The following SLC9B1 variants were observed in gnomAD, a reference collection of about 807,000 sequenced individuals.
SLC9B1 encodes solute carrier family 9 member B1, also known as sodium/hydrogen exchanger 9B1.
In SLC9B1, 32 loss-of-function variants were observed where a neutral mutation model predicts 51.7. The observed-to-expected ratio is 0.62, with a 90% CI of 0.47 to 0.83. The LOEUF (loss-of-function observed/expected upper bound fraction) is 0.83. SLC9B1 is among the 40% of genes least tolerant of loss of function. The pLI is 0.00. For synonymous variants in SLC9B1, 145 were observed against 212.7 expected (o/e 0.68, Z 2.77); for missense variants, 406 against 613.2 (o/e 0.66, Z 3.57).
intron 3 of SLC9B1, among the ~76,000 whole-genome samples, chr4:102,974,242 G>GAAAACAA (rs1738927255): frequency 1.9e-5 from 1 of 53,460 alleles, no homozygotes; most frequent in South Asian, 8.1e-4. Context: ...GTCTAAAATT[G>GAAAACAA]AAAAAAAAAA....
chr4:103,019,135 C>G (rs1741595105), intron 1 of SLC9B1, among the ~76,000 whole-genome samples: 1 of 152,004 alleles, frequency 6.6e-6, no homozygotes, highest in Non-Finnish European at 1.5e-5. Flanking sequence ...GAGGAGTAAA[C>G]AGGATTAAGG....
intron 3 of SLC9B1, among the ~76,000 whole-genome samples, chr4:102,975,512 G>A (rs528011740): frequency 1.4e-5 from 2 of 147,906 alleles, no homozygotes; most frequent in Non-Finnish European, 3.0e-5. Flanking sequence ...GGGGAATGAG[G>A]TTGGAAAATA....
chr4:102,988,843 T>C (rs1311838635), intron 3 of SLC9B1, among the ~76,000 whole-genome samples: 2 of 152,114 alleles, frequency 1.3e-5, no homozygotes, highest in African/African-American at 2.4e-5. Flanking sequence ...CCTCAATTAG[T>C]TCCTGAGCAA....
At chr4:102,941,199 A>G (rs972986465) in intron 6 of SLC9B1, among the ~76,000 whole-genome samples, 1 of 152,190 alleles carries the variant, frequency 6.6e-6, no homozygotes, top group Non-Finnish European at 1.5e-5. Context: ...AAAGGAAATC[A>G]TCAACAAACC....
chr4:102,912,398 G>GA (rs879881980), intron 7 of SLC9B1, among the ~76,000 whole-genome samples: 2 of 150,600 alleles, frequency 1.3e-5, no homozygotes, highest in East Asian at 1.9e-4. Flanking sequence ...AAGAAAAAAG[G>GA]AAAAAAAATA....
At chr4:102,988,899 C>T (rs1442235964) in intron 3 of SLC9B1, among the ~76,000 whole-genome samples, 3 of 151,990 alleles carry the variant, frequency 2.0e-5, no homozygotes, top group African/African-American at 7.2e-5. Context: ...TAATACATTT[C>T]CCTCTCTTCC....
At chr4:102,942,401 T>A (rs1258550428) in intron 6 of SLC9B1, among the ~76,000 whole-genome samples, 1 of 152,218 alleles carries the variant, frequency 6.6e-6, no homozygotes, top group East Asian at 1.9e-4. Context: ...CAAATGTGGA[T>A]GCATCACATT....
chr4:103,007,984 C>G (rs890865709), intron 1 of SLC9B1, among the ~76,000 whole-genome samples: 1 of 152,098 alleles, frequency 6.6e-6, no homozygotes, highest in Non-Finnish European at 1.5e-5. Context: ...GAAATTATGG[C>G]CTGCTTTTTG....
In SLC9B1 at chr4:102,989,894, G is replaced by T; in HGVS notation, c.117C>A (p.Val39=). The T allele has an allele frequency of 6.3e-7, 1 of 1,597,752 alleles. No homozygotes were observed. The highest frequency in any genetic ancestry group is 8.6e-7 in the Non-Finnish European group (1 of 1,168,334). Residue 39 remains valine (V), a synonymous_variant, in exon 3 of 12, where the codon GTC becomes GTA. Transcript: ENST00000296422. ...NNTAQEETKT[V]LSDTEEIKPQ... ...GTTTTATTTCTTCTGTATCTGATAAGACAGTTTTAGTTTCTTCCTGTGCAG... is the reference window on the plus strand; with the variant it reads ...GTTTTATTTCTTCTGTATCTGATAATACAGTTTTAGTTTCTTCCTGTGCAG...
chr4:103,014,948 A>G (rs1741244857), intron 1 of SLC9B1: 1 of 152,196 alleles, frequency 6.6e-6, no homozygotes, highest in African/African-American at 2.4e-5. Context: ...AGGAGAATGA[A>G]ATGAGATAAA....
chr4:102,946,581 C>CT, intron 5 of SLC9B1, 66 bp downstream of exon 5: 1 of 1,534,198 alleles, frequency 6.5e-7, no homozygotes. Flanking sequence ...ATTTTTGCTT[C>CT]TTTTTCTTTC....
chr4:102,927,660 A>T (rs1736254621), intron 7 of SLC9B1, among the ~76,000 whole-genome samples: 1 of 152,216 alleles, frequency 6.6e-6, no homozygotes, highest in Non-Finnish European at 1.5e-5. Flanking sequence ...TGTGGAAGAC[A>T]TTGTGGCGAT....
At chr4:102,914,287 C>A (rs1467962505) in intron 7 of SLC9B1, among the ~76,000 whole-genome samples, 1 of 146,164 alleles carries the variant, frequency 6.8e-6, no homozygotes, top group Non-Finnish European at 1.5e-5. Flanking sequence ...TTAGGTTTTA[C>A]AATAGTGATG....
Position 102,946,766 on chromosome 4 carries a change from T to C in SLC9B1, c.406A>G (p.Ile136Val). The change falls in exon 5 of 12, where the codon ATT becomes GTT. Residue 136 changes from isoleucine to valine, a missense_variant. Physicochemically the swap from Ile to Val is conservative, Grantham distance 29 (BLOSUM62 3). This residue lies in a region of SLC9B1 where 250 missense variants were observed against 394.1 expected (regional missense o/e 0.63). Coordinates refer to ENST00000296422, the MANE Select transcript of SLC9B1 (RefSeq NM_139173.4). ...TCATTGATGAATGGAACATTCCTAATCGTAAAACCAGCCAGTAACATCCCT... is the reference window on the plus strand; with the variant it reads ...TCATTGATGAATGGAACATTCCTAACCGTAAAACCAGCCAGTAACATCCCT... Reference protein sequence around the residue: ...LLGMLLAGFTIRNVPFINEHV... With the variant: ...LLGMLLAGFTVRNVPFINEHV... 1 of 1,599,432 alleles carries C rather than the reference T, an allele frequency of 6.3e-7. No individual in the cohort carries two copies. The highest frequency in any genetic ancestry group is 8.5e-7 in the Non-Finnish European group (1 of 1,176,212).
chr4:102,945,077 A>T, intron 6 of SLC9B1, 116 bp downstream of exon 6: 1 of 1,178,708 alleles, frequency 8.5e-7, no homozygotes, highest in Non-Finnish European at 1.1e-6. Context: ...CAAGGATTTT[A>T]ACACTGAAAC....
At chr4:102,936,698 GA>G (rs1736740648) in intron 6 of SLC9B1, among the ~76,000 whole-genome samples, 1 of 152,140 alleles carries the variant, frequency 6.6e-6, no homozygotes, top group Non-Finnish European at 1.5e-5. Context: ...TCAGTCAGAT[GA>G]AAATAAAGAA....
intron 3 of SLC9B1, among the ~76,000 whole-genome samples, chr4:102,961,204 T>C (rs1738097436): frequency 6.6e-6 from 1 of 152,202 alleles, no homozygotes; most frequent in Admixed American, 6.5e-5. Flanking sequence ...AGAAATGCAA[T>C]TCAAAGAATT....
rs561436124 is a variant in SLC9B1, at chr4:102,904,141, C to T, written c.1332+1373G>A. Among the ~76,000 whole-genome samples, 8 of 151,950 alleles carry T rather than the reference C, an allele frequency of 5.3e-5. No homozygotes were observed. In the East Asian group the frequency reaches 1.4e-3, roughly 26 times the overall value. The stretch of plus-strand genomic sequence containing the variant: ...TGGTGTGACCTCAGCTCATTGCAGC[C>T]TCAACCTCCTGAGTTCAAGCAATCC... On this transcript the variant is annotated intron_variant, in intron 11 of 11. Transcript: ENST00000296422.
At chr4:102,986,327 T>A (rs1211488036) in intron 3 of SLC9B1, among the ~76,000 whole-genome samples, 2 of 151,996 alleles carry the variant, frequency 1.3e-5, no homozygotes, top group Non-Finnish European at 2.9e-5. Flanking sequence ...TGGTTTCTGA[T>A]GAGAAGTTGG....
Sources: allele counts gnomAD v4.1 joint callset (sites outside exome capture counted in the v4.1 genomes callset), GRCh38; gene constraint gnomAD v4.1.1; regional missense constraint gnomAD v4.1.1; transcripts MANE v1.5; gene names NCBI Gene and HGNC (gene_info 2026-07-23, HGNC 2026-07-21).